The following LUZP2 variants were observed in gnomAD, a reference collection of about 807,000 sequenced individuals.
The protein encoded by LUZP2 is leucine zipper protein 2.
LUZP2 carries 52 observed loss-of-function variants against 51.6 expected under a neutral mutation model. That is an observed-to-expected ratio of 1.01 (90% CI 0.81 to 1.27). LUZP2 has a LOEUF of 1.27. LUZP2 is among the 50% of genes most tolerant of loss of function. The pLI, the probability that LUZP2 is intolerant of heterozygous loss-of-function variation, is 0.00. For synonymous variants in LUZP2, 154 were observed against 137.3 expected (o/e 1.12, Z -0.85); for missense variants, 436 against 395.4 (o/e 1.10, Z -0.87).
chr11:24,764,489 C>CAAAAAAAAAAAAAAAAAAAA (rs1565124723), intron 5 of LUZP2, among the ~76,000 whole-genome samples: 17 of 56,416 alleles, frequency 3.0e-4, no homozygotes, highest in Admixed American at 6.2e-4. Flanking sequence ...AATCTCATCT[C>CAAAAAAAAAAAAAAAAAAAA]TAAAAAAAAA....
intron 5 of LUZP2, among the ~76,000 whole-genome samples, chr11:24,867,757 A>C (rs1851942515): frequency 6.6e-6 from 1 of 152,168 alleles, no homozygotes; most frequent in Non-Finnish European, 1.5e-5. Flanking sequence ...ACTTACACTT[A>C]GAGGGAGGAA....
intron 9 of LUZP2, among the ~76,000 whole-genome samples, chr11:25,046,833 A>G (rs1858329516): frequency 6.6e-6 from 1 of 152,204 alleles, no homozygotes; most frequent in Non-Finnish European, 1.5e-5. Context: ...CATATATAGC[A>G]TCATTTCATG....
Position 24,857,290 on chromosome 11 carries a change from C to CATATATATATATATATACATAT in LUZP2, c.397-48688_397-48687insTATACATATATATATATATATA, listed in dbSNP as rs34461857. Among the ~76,000 whole-genome samples, 3 of 117,842 alleles carry CATATATATATATATATACATAT rather than the reference C, an allele frequency of 2.5e-5. No individual in the cohort carries two copies. In the East Asian group the frequency reaches 6.6e-4, roughly 26 times the overall value. The allele number at this position is 117,842 out of a possible 152,430, so 77.3% of individuals were successfully genotyped here. A position where few individuals can be genotyped will look rare whatever the true frequency, so the allele number is the denominator to read the frequency against. On this transcript the variant is annotated intron_variant, in intron 5 of 11. Transcript: ENST00000336930. ...TCATGGGGATATATATATATATATACATATATATATATACATATATATACA... is the reference window on the plus strand; with the variant it reads ...TCATGGGGATATATATATATATATACATATATATATATATATACATATATATATATATATACATATATATACA...
chr11:24,660,244 C>T (rs1423387086), intron 1 of LUZP2, among the ~76,000 whole-genome samples: 1 of 152,076 alleles, frequency 6.6e-6, no homozygotes, highest in Admixed American at 6.6e-5. Context: ...CCATCTGACC[C>T]ATGTAGTTTT....
intron 1 of LUZP2, among the ~76,000 whole-genome samples, chr11:24,693,126 T>C (rs1857130532): frequency 6.6e-6 from 1 of 151,966 alleles, no homozygotes; most frequent in South Asian, 2.1e-4. Context: ...GTATATTGTT[T>C]GATTTTTACA....
intron 5 of LUZP2, among the ~76,000 whole-genome samples, chr11:24,905,345 C>T (rs969592715): frequency 2.6e-5 from 4 of 151,808 alleles, no homozygotes; most frequent in Admixed American, 6.6e-5. Flanking sequence ...GCCAACATGG[C>T]GAAACCTCAT....
chr11:24,941,912 G>A lies in LUZP2; in HGVS notation c.522+27374G>A, dbSNP rs549538078. ...TCATTTAAAAAAAAAACTGACCATG[G>A]AACAATTTGCAGTCAATTCCCTCTC... On this transcript the variant is annotated intron_variant, in intron 7 of 11. Transcript: ENST00000336930. 2.6e-5 allele frequency among the ~76,000 whole-genome samples: 4 copies of A among 151,728 alleles called. No individual in the cohort carries two copies. The South Asian group carries it at 8.3e-4, about 32-fold the overall frequency.
chr11:24,914,121 T>TA (rs898882622), intron 6 of LUZP2, among the ~76,000 whole-genome samples: 15 of 152,052 alleles, frequency 9.9e-5, no homozygotes, highest in African/African-American at 3.4e-4. Flanking sequence ...AAATAAGTAG[T>TA]AAAAAAAATG....
rs536053632 is a variant in LUZP2, at chr11:24,784,514, C to T, written c.396+21206C>T. ...GATTCTGTCACAAAAAGGTAAATCA[C>T]TTACCTATTTCTTTTCAAAAACAAG... is the stretch of plus-strand genomic sequence containing the variant. On this transcript the variant is annotated intron_variant, in intron 5 of 11. Transcript: ENST00000336930. 2.0e-5 allele frequency among the ~76,000 whole-genome samples: 3 copies of T among 152,098 alleles called. No individual in the cohort carries two copies. The South Asian group carries it at 6.2e-4, about 32-fold the overall frequency.
rs544257974 is a variant in LUZP2, at chr11:24,887,459, T to C, written c.397-18532T>C. Among the ~76,000 whole-genome samples, 4 of 152,186 alleles carry C rather than the reference T, an allele frequency of 2.6e-5. No homozygotes were observed. In the South Asian group the frequency reaches 8.3e-4, roughly 32 times the overall value. On this transcript the variant is annotated intron_variant, in intron 5 of 11. Coordinates refer to ENST00000336930, the MANE Select transcript of LUZP2 (RefSeq NM_001009909.4). ...TATATGTAAGCGAATAAGGTGTGGG[T>C]TATTTTAAGTTTGTTGGCAATGAAT...
chr11:24,541,427 T>G (rs1381421684), intron 1 of LUZP2, among the ~76,000 whole-genome samples: 1 of 152,092 alleles, frequency 6.6e-6, no homozygotes, highest in African/African-American at 2.4e-5. Context: ...TGGTGACTGT[T>G]GGCATCCTAT....
intron 9 of LUZP2, among the ~76,000 whole-genome samples, chr11:25,019,005 T>C (rs1447512369): frequency 2.6e-5 from 4 of 152,144 alleles, no homozygotes; most frequent in Non-Finnish European, 4.4e-5. Flanking sequence ...TTTGCTACCC[T>C]CCTCTCAACA....
intron 5 of LUZP2, among the ~76,000 whole-genome samples, chr11:24,772,528 C>T (rs1848774619): frequency 6.6e-6 from 1 of 152,042 alleles, no homozygotes; most frequent in African/African-American, 2.4e-5. Flanking sequence ...TGGTTATTTG[C>T]CTATCTTAAG....
At chr11:24,761,532 G>A (rs746622422) in intron 4 of LUZP2, among the ~76,000 whole-genome samples, 2 of 152,160 alleles carry the variant, frequency 1.3e-5, no homozygotes, top group East Asian at 1.9e-4. Flanking sequence ...ATCATTCAAA[G>A]GATGATTGCT....
In LUZP2 at chr11:24,984,524, T is replaced by TTATATATATATATATATATATATA. The variant is rs1209500084; in HGVS notation, c.765+1234_765+1257dup. 2.0e-4 allele frequency among the ~76,000 whole-genome samples: 18 copies of TTATATATATATATATATATATATA among 90,040 alleles called. 1 individual carries two copies. In the East Asian group the frequency reaches 3.7e-3, roughly 19 times the overall value. 59.1% of individuals were successfully genotyped at this position (90,040 alleles called of 152,430 possible). Reference sequence around the variant, plus strand: ...TGTTTTTATATGTAAATTACATATTTTATATATATATATATATATATATAT... The same window carrying TTATATATATATATATATATATATA: ...TGTTTTTATATGTAAATTACATATTTTATATATATATATATATATATATATATATATATATATATATATATATAT... On this transcript the variant is annotated intron_variant, in intron 9 of 11. Coordinates refer to ENST00000336930, the MANE Select transcript of LUZP2 (RefSeq NM_001009909.4).
At chr11:24,971,825 T>C (rs1855746023) in intron 7 of LUZP2, among the ~76,000 whole-genome samples, 1 of 151,718 alleles carries the variant, frequency 6.6e-6, no homozygotes, top group African/African-American at 2.4e-5. Context: ...TTTTACCAGG[T>C]AAAAAAAGGT....
At chr11:24,822,602 G>C (rs959719814) in intron 5 of LUZP2, among the ~76,000 whole-genome samples, 3 of 152,120 alleles carry the variant, frequency 2.0e-5, no homozygotes, top group Non-Finnish European at 4.4e-5. Flanking sequence ...CAGGAATCCA[G>C]TGCTCCCTTC....
intron 6 of LUZP2, among the ~76,000 whole-genome samples, chr11:24,914,100 A>T (rs1007451411): frequency 6.6e-6 from 1 of 152,180 alleles, no homozygotes; most frequent in African/African-American, 2.4e-5. Context: ...TAATTTAAAA[A>T]AAGTAATTGA....
At chr11:24,993,558 G>T (rs1856412402) in intron 9 of LUZP2, among the ~76,000 whole-genome samples, 1 of 152,084 alleles carries the variant, frequency 6.6e-6, no homozygotes, top group Non-Finnish European at 1.5e-5. Context: ...TACACAGTTA[G>T]AAATATTATA....
Sources: gnomAD v4.1 joint callset for allele counts (sites outside exome capture counted in the v4.1 genomes callset) on GRCh38, gnomAD v4.1.1 for gene constraint, MANE v1.5 for transcripts, NCBI Gene and HGNC (gene_info 2026-07-23, HGNC 2026-07-21) for gene names.